The following DIP2C variants were observed in gnomAD, a reference collection of about 807,000 sequenced individuals.
The protein encoded by DIP2C is disco-interacting protein 2 homolog C.
In DIP2C, 33 loss-of-function variants were observed where a neutral mutation model predicts 192.4. The ratio of observed to expected loss-of-function variants is 0.17; its 90% confidence interval spans 0.13 to 0.23. The LOEUF is 0.23. Among genes scored for constraint, DIP2C ranks in the 10% least tolerant of loss-of-function variants. The pLI is 1.00. For missense variants in DIP2C, 1,537 were observed against 2,110.1 expected (o/e 0.73, Z 5.32); for synonymous variants, 979 against 864.1 (o/e 1.13, Z -2.33).
chr10:290,018 T>G (rs1218823113), intron 32 of DIP2C, among the ~76,000 whole-genome samples: 1 of 152,212 alleles, frequency 6.6e-6, no homozygotes, highest in Non-Finnish European at 1.5e-5. Context: ...GAAGCACCCG[T>G]GCCGGGGAGG....
chr10:337,085 A>G, intron 29 of DIP2C, among the ~76,000 whole-genome samples: 1 of 50,534 alleles, frequency 2.0e-5, no homozygotes, highest in Non-Finnish European at 3.9e-5. Context: ...GTGGAGGCCT[A>G]GACTGGTGTG....
intron 1 of DIP2C, among the ~76,000 whole-genome samples, chr10:564,130 C>T (rs1269283009): frequency 2.6e-5 from 4 of 152,182 alleles, no homozygotes; most frequent in Non-Finnish European, 4.4e-5. Context: ...GGAGCAAATT[C>T]TCAGACCCTG....
Position 377,544 on chromosome 10 carries a change from A to C in DIP2C, c.1991+5103T>G, listed in dbSNP as rs1961767564. Among the ~76,000 whole-genome samples the C allele has an allele frequency of 2.0e-5, 3 of 152,190 alleles. No individual in the cohort carries two copies. In the South Asian group the frequency reaches 6.2e-4, roughly 32 times the overall value. On this transcript the variant is annotated intron_variant, in intron 17 of 36. Transcript: ENST00000280886. ...ATTGCAAAATTTTATCCCTCTTTTT[A>C]GATAAAATGACACAGTTTATCTTGC...
chr10:506,139 G>A (rs781556334), intron 1 of DIP2C, among the ~76,000 whole-genome samples: 49 of 152,192 alleles, frequency 3.2e-4, no homozygotes, highest in South Asian at 1.0e-3. Context: ...TCCCATGCTC[G>A]TTACCCTTCG....
intron 31 of DIP2C, chr10:324,671 T>C: frequency 4.7e-6 from 1 of 214,074 alleles, no homozygotes; most frequent in Non-Finnish European, 9.7e-6. Context: ...AGCGGTCATA[T>C]TGACAGAATT....
At chr10:583,730 A>G (rs995275174) in intron 1 of DIP2C, among the ~76,000 whole-genome samples, 1 of 152,194 alleles carries the variant, frequency 6.6e-6, no homozygotes, top group African/African-American at 2.4e-5. Flanking sequence ...TAAAATAAAG[A>G]ACACCCGATG....
rs117737939 is a variant in DIP2C at position 575,235 on chromosome 10, G to A, written c.86-88705C>T. ...TAATACTTAGAAGACAAAGTTTATT[G>A]TGAGTACAATTAATCTACACATAAA... On this transcript the variant is annotated intron_variant, in intron 1 of 36. Transcript: ENST00000280886. 6.7e-4 allele frequency among the ~76,000 whole-genome samples: 102 copies of A among 152,296 alleles called. No homozygotes were observed. The East Asian group carries it at 0.017, about 26-fold the overall frequency.
rs1217735689 is a variant in DIP2C, at chr10:571,211, C to G, written c.86-84681G>C. 5.9e-5 allele frequency among the ~76,000 whole-genome samples: 9 copies of G among 152,364 alleles called. No homozygotes were observed. In the East Asian group the frequency reaches 1.7e-3, roughly 29 times the overall value. On this transcript the variant is annotated intron_variant, in intron 1 of 36. Coordinates refer to ENST00000280886, the MANE Select transcript of DIP2C (RefSeq NM_014974.3). The stretch of plus-strand genomic sequence containing the variant: ...AAAGAACCCACAGGGAGAAGCACTT[C>G]TCTCTCCAACCTGACAGCAAACAGT...
intron 1 of DIP2C, among the ~76,000 whole-genome samples, chr10:500,122 G>A (rs1044479874): frequency 6.6e-6 from 1 of 152,256 alleles, no homozygotes; most frequent in Admixed American, 6.5e-5. Context: ...TGTGGGTTCA[G>A]CTGGGCCCTC....
chr10:286,863 G>GT (rs1955166623), intron 33 of DIP2C, among the ~76,000 whole-genome samples: 1 of 152,182 alleles, frequency 6.6e-6, no homozygotes. Flanking sequence ...GTTTTCAGGG[G>GT]TAAGCATGGA....
intron 1 of DIP2C, among the ~76,000 whole-genome samples, chr10:623,501 G>C (rs1426383684): frequency 2.4e-5 from 3 of 126,522 alleles, no homozygotes; most frequent in Non-Finnish European, 5.0e-5. Flanking sequence ...CTGAGGGGAG[G>C]AGGGGAGGGA....
Position 288,439 on chromosome 10 carries a change from A to T in DIP2C, c.3987-18T>A, listed in dbSNP as rs557972465. The stretch of plus-strand genomic sequence containing the variant: ...AGCGGACTCTGCAAACAGAAAGAGA[A>T]AATATTCCTAGATGTGTTTGCTGTC... On this transcript the variant is annotated intron_variant, in intron 32 of 36. Coordinates refer to ENST00000280886, the MANE Select transcript of DIP2C (RefSeq NM_014974.3). 1.2e-5 allele frequency: 20 copies of T among 1,613,602 alleles called. No individual in the cohort carries two copies. In the African/African-American group the frequency reaches 2.0e-4, roughly 16 times the overall value.
At chr10:295,519 C>A (rs1212035681) in intron 32 of DIP2C, among the ~76,000 whole-genome samples, 5 of 126,392 alleles carry the variant, frequency 4.0e-5, no homozygotes, top group Non-Finnish European at 6.3e-5. Flanking sequence ...CGAGATAGCG[C>A]CACTGCAGTC....
intron 1 of DIP2C, among the ~76,000 whole-genome samples, chr10:519,128 G>A (rs577026902): frequency 6.6e-5 from 10 of 152,352 alleles, no homozygotes; most frequent in Admixed American, 1.3e-4. Flanking sequence ...GAGCCCAGCT[G>A]TGCACTGGAG....
intron 1 of DIP2C, among the ~76,000 whole-genome samples, chr10:543,958 T>C (rs1848140067): frequency 6.6e-6 from 1 of 152,250 alleles, no homozygotes; most frequent in Non-Finnish European, 1.5e-5. Flanking sequence ...GACTTCTGTT[T>C]CTCTGGATTT....
intron 1 of DIP2C, among the ~76,000 whole-genome samples, chr10:508,060 C>T (rs1281113766): frequency 1.3e-5 from 2 of 152,204 alleles, no homozygotes; most frequent in Non-Finnish European, 2.9e-5. Context: ...CCTTTCCAAG[C>T]ACAGAGCAGC....
chr10:559,012 T>G (rs950590697), intron 1 of DIP2C, among the ~76,000 whole-genome samples: 6 of 135,230 alleles, frequency 4.4e-5, no homozygotes, highest in Non-Finnish European at 7.7e-5. Context: ...GGCCAAGGAG[T>G]GGTTTCCAAG....
At chr10:390,440 A>G (rs1963368293) in intron 11 of DIP2C, 67 bp from the exon 12 acceptor site, 3 of 1,447,628 alleles carry the variant, frequency 2.1e-6, no homozygotes, top group East Asian at 2.3e-5. Flanking sequence ...ATTTCTCCCC[A>G]TTTATGTGGT....
chr10:585,799 CCAA>C (rs552132442), intron 1 of DIP2C, among the ~76,000 whole-genome samples: 3 of 152,244 alleles, frequency 2.0e-5, no homozygotes, highest in Non-Finnish European at 4.4e-5. Context: ...ATTTTAATCA[CCAA>C]CAACACTAGT....
Sources: gnomAD v4.1 joint callset for allele counts (sites outside exome capture counted in the v4.1 genomes callset) on GRCh38, gnomAD v4.1.1 for gene constraint, MANE v1.5 for transcripts, NCBI Gene and HGNC (gene_info 2026-07-23, HGNC 2026-07-21) for gene names.